The following BAZ2B variants were observed in gnomAD, a reference collection of about 807,000 sequenced individuals.
BAZ2B encodes bromodomain adjacent to zinc finger domain 2B, also known as bromodomain adjacent to zinc finger domain protein 2B.
A neutral mutation model predicts 246.0 loss-of-function variants in BAZ2B; 91 were observed. The ratio of observed to expected loss-of-function variants is 0.37; its 90% CI spans 0.31 to 0.44. The LOEUF (loss-of-function observed/expected upper bound fraction) is 0.44. BAZ2B is among the 20% of genes least tolerant of loss of function. The pLI, the probability that BAZ2B is intolerant of heterozygous loss-of-function variation, is 1.00. For synonymous variants in BAZ2B, 855 were observed against 860.0 expected (o/e 0.99, Z 0.10); for missense variants, 2,332 against 2,533.7 (o/e 0.92, Z 1.71).
At chr2:159,351,062 A>G (rs2058509015) in intron 27 of BAZ2B, among the ~76,000 whole-genome samples, 1 of 152,120 alleles carries the variant, frequency 6.6e-6, no homozygotes, top group African/African-American at 2.4e-5. Flanking sequence ...TATAATAATA[A>G]TAATAAAAAA....
intron 3 of BAZ2B, among the ~76,000 whole-genome samples, chr2:159,471,399 T>A (rs150856320): frequency 4.9e-3 from 748 of 152,226 alleles, no homozygotes; most frequent in Non-Finnish European, 8.6e-3. Flanking sequence ...CCCAGGAGTT[T>A]GAGACCAGTC....
At chr2:159,385,016 T>C (rs576009865) in intron 23 of BAZ2B, 139 bp downstream of exon 23, 3 of 894,698 alleles carry the variant, frequency 3.4e-6, no homozygotes, top group Non-Finnish European at 5.0e-6. Context: ...CATCTCTAAA[T>C]ACTGAGATAA....
At chr2:159,563,964 T>A (rs2090118760) in intron 1 of BAZ2B, among the ~76,000 whole-genome samples, 3 of 152,232 alleles carry the variant, frequency 2.0e-5, no homozygotes, top group Non-Finnish European at 2.9e-5. Flanking sequence ...GATTTCTATG[T>A]GGCAGGTACT....
the BAZ2B span, among the ~76,000 whole-genome samples, chr2:159,667,056 T>C: frequency 6.6e-6 from 1 of 151,156 alleles, no homozygotes. Context: ...GTAACAAACC[T>C]GCACGTTCTG....
chr2:159,594,259 C>G (rs944395250), intron 1 of BAZ2B, among the ~76,000 whole-genome samples: 1 of 152,056 alleles, frequency 6.6e-6, no homozygotes, highest in Non-Finnish European at 1.5e-5. Context: ...ACAAAAAAAT[C>G]AGCCAGGCGT....
chr2:159,361,956 G>A (rs1001423646), intron 27 of BAZ2B, among the ~76,000 whole-genome samples: 3 of 151,850 alleles, frequency 2.0e-5, no homozygotes, highest in South Asian at 2.1e-4. Context: ...GGCCTGTCGG[G>A]GGGGTGAGGG....
Position 159,385,159 on chromosome 2 carries a change from C to G in BAZ2B, c.3682G>C (p.Val1228Leu). The change falls in exon 23 of 37, where the codon GTC (valine) becomes CTC (leucine). Residue 1228 changes from valine to leucine, a missense_variant. Physicochemically the swap from Val to Leu is conservative, Grantham distance 32. Coordinates refer to ENST00000392783, the MANE Select transcript of BAZ2B (RefSeq NM_013450.4). ...INELACSKSVVSEIDKNIDYM... is the reference protein window; with the variant it reads ...INELACSKSVLSEIDKNIDYM... ...AAAGCCTGGGCATATGCTCACCTGACCACACTCTTGCTGCATGCCAGTTCA... is the reference window on the plus strand; with the variant it reads ...AAAGCCTGGGCATATGCTCACCTGAGCACACTCTTGCTGCATGCCAGTTCA... 1.9e-6 allele frequency: 3 copies of G among 1,611,808 alleles called. No individual in the cohort carries two copies. The highest frequency in any genetic ancestry group is 2.5e-6 in the Non-Finnish European group (3 of 1,178,164).
intron 18 of BAZ2B, among the ~76,000 whole-genome samples, chr2:159,398,587 C>T (rs2064439170): frequency 1.3e-5 from 2 of 151,984 alleles, no homozygotes; most frequent in African/African-American, 4.8e-5. Flanking sequence ...CAACAATTTG[C>T]ATTTCTGATT....
chr2:159,604,686 T>A (rs576608593), intron 1 of BAZ2B, among the ~76,000 whole-genome samples: 1 of 152,292 alleles, frequency 6.6e-6, no homozygotes, highest in South Asian at 2.1e-4. Flanking sequence ...ACATTCCTTA[T>A]AATAGAAATT....
chr2:159,652,347 T>G, the BAZ2B span, among the ~76,000 whole-genome samples: 3 of 151,970 alleles, frequency 2.0e-5, no homozygotes, highest in Non-Finnish European at 4.4e-5. Context: ...ATAGCTGAGA[T>G]TATAGGCGCG....
the BAZ2B span, among the ~76,000 whole-genome samples, chr2:159,687,294 T>C: frequency 6.6e-6 from 1 of 152,256 alleles, no homozygotes; most frequent in African/African-American, 2.4e-5. Flanking sequence ...CATACCTGAA[T>C]TTATGCTACT....
At chr2:159,397,880 G>T (rs906514813) in intron 18 of BAZ2B, among the ~76,000 whole-genome samples, 2 of 151,448 alleles carry the variant, frequency 1.3e-5, no homozygotes, top group Admixed American at 1.3e-4. Flanking sequence ...TATACACTAC[G>T]TATGAATTAA....
chr2:159,691,627 G>A, the BAZ2B span, among the ~76,000 whole-genome samples: 3,158 of 152,188 alleles, frequency 0.021, 43 homozygotes, highest in African/African-American at 0.033. Context: ...CAAGCAATTC[G>A]ACTTCTTATT....
At chr2:159,664,772 T>TCAATGTACAAAAATCAC in the BAZ2B span, among the ~76,000 whole-genome samples, 1 of 121,614 alleles carries the variant, frequency 8.2e-6, no homozygotes, top group African/African-American at 3.3e-5. Context: ...AGATTCTGGA[T>TCAATGTACAAAAATCAC]ATTAGCCCTT....
intron 1 of BAZ2B, among the ~76,000 whole-genome samples, chr2:159,578,609 C>T (rs1256013037): frequency 1.3e-5 from 2 of 152,202 alleles, no homozygotes; most frequent in Non-Finnish European, 2.9e-5. Flanking sequence ...CACCCCAAAT[C>T]AACAGAATAT....
At chr2:159,698,758 G>T in the BAZ2B span, among the ~76,000 whole-genome samples, 2 of 151,764 alleles carry the variant, frequency 1.3e-5, no homozygotes, top group Non-Finnish European at 2.9e-5. Flanking sequence ...TACTTCTTAG[G>T]AGTTAAAAAT....
chr2:159,401,626 A>G (rs1223361326), intron 16 of BAZ2B, among the ~76,000 whole-genome samples: 1 of 152,190 alleles, frequency 6.6e-6, no homozygotes, highest in Non-Finnish European at 1.5e-5. Context: ...TTAACATTCC[A>G]GGGAATTATC....
intron 33 of BAZ2B, among the ~76,000 whole-genome samples, chr2:159,333,650 A>T (rs574959428): frequency 1.3e-5 from 2 of 152,166 alleles, no homozygotes; most frequent in Non-Finnish European, 2.9e-5. Context: ...AATCATTTAA[A>T]CTACTTTAAA....
intron 27 of BAZ2B, among the ~76,000 whole-genome samples, chr2:159,370,224 A>T (rs1437818659): frequency 6.6e-6 from 1 of 152,154 alleles, no homozygotes; most frequent in Non-Finnish European, 1.5e-5. Flanking sequence ...AATGTAAATG[A>T]TGAGTTAATG....
Sources: gnomAD v4.1 joint callset for allele counts (sites outside exome capture counted in the v4.1 genomes callset) on GRCh38, gnomAD v4.1.1 for gene constraint, MANE v1.5 for transcripts, NCBI Gene and HGNC (gene_info 2026-07-23, HGNC 2026-07-21) for gene names.